ZFHX3: variants seen among roughly 807,000 people sequenced by gnomAD.
The protein encoded by ZFHX3 is zinc finger homeobox 3, also known as zinc finger homeobox protein 3.
In ZFHX3, 42 loss-of-function variants were observed where a neutral mutation model predicts 279.1. The ratio of observed to expected loss-of-function variants is 0.15; its 90% CI spans 0.12 to 0.19. The LOEUF is 0.19. Among genes scored for constraint, ZFHX3 ranks in the 10% least tolerant of loss-of-function variants. ZFHX3 has a pLI of 1.00. For synonymous variants in ZFHX3, 2,293 were observed against 1,957.8 expected (o/e 1.17, Z -4.52); for missense variants, 4,981 against 4,754.0 (o/e 1.05, Z -1.40).
At chr16:73,636,510 T>A (rs1388315394) in intron 2 of ZFHX3, among the ~76,000 whole-genome samples, 2 of 152,038 alleles carry the variant, frequency 1.3e-5, no homozygotes, top group African/African-American at 4.8e-5. Context: ...TGATAAAACA[T>A]CACAAAATGA....
intron 3 of ZFHX3, among the ~76,000 whole-genome samples, chr16:73,380,300 T>C (rs1010029928): frequency 2.0e-5 from 3 of 152,154 alleles, no homozygotes; most frequent in Non-Finnish European, 2.9e-5. Flanking sequence ...CATAGACATC[T>C]CTCAGAATTA....
At chr16:73,255,351 A>G (rs1195993344) in intron 5 of ZFHX3, among the ~76,000 whole-genome samples, 1 of 152,198 alleles carries the variant, frequency 6.6e-6, no homozygotes, top group Non-Finnish European at 1.5e-5. Flanking sequence ...ATCAACCCCA[A>G]ATCAAATAAA....
At chr16:73,620,603 T>G (rs1045976632) in intron 2 of ZFHX3, among the ~76,000 whole-genome samples, 3 of 152,216 alleles carry the variant, frequency 2.0e-5, no homozygotes, top group African/African-American at 7.2e-5. Flanking sequence ...GAGTACAAGT[T>G]TGTCCAATTT....
chr16:72,939,321 C>T (rs1960295324), intron 3 of ZFHX3, among the ~76,000 whole-genome samples: 1 of 152,070 alleles, frequency 6.6e-6, no homozygotes, highest in African/African-American at 2.4e-5. Context: ...CCTGGGCCTG[C>T]GACAATGAGC....
chr16:73,720,334 C>T (rs111999989), intron 1 of ZFHX3, among the ~76,000 whole-genome samples: 2,639 of 152,268 alleles, frequency 0.017, 81 homozygotes, highest in African/African-American at 0.061. Flanking sequence ...TGATCATAAA[C>T]ATCACAAAAA....
intron 1 of ZFHX3, among the ~76,000 whole-genome samples, chr16:73,844,710 T>G (rs992208848): frequency 5.3e-5 from 8 of 151,248 alleles, no homozygotes; most frequent in African/African-American, 1.9e-4. Flanking sequence ...ATCAGATAAG[T>G]TAGGCAGACA....
At chr16:73,436,818 G>T (rs538019385) in intron 3 of ZFHX3, among the ~76,000 whole-genome samples, 55 of 152,238 alleles carry the variant, frequency 3.6e-4, no homozygotes, top group Middle Eastern at 3.4e-3. Flanking sequence ...TTGTCTCTAT[G>T]CTCTGGTAGA....
chr16:73,831,865 G>A (rs928484933), intron 1 of ZFHX3, among the ~76,000 whole-genome samples: 4 of 152,140 alleles, frequency 2.6e-5, no homozygotes, highest in African/African-American at 4.8e-5. Context: ...ATCTGGCCAG[G>A]GCTGGCCCTC....
intron 3 of ZFHX3, among the ~76,000 whole-genome samples, chr16:73,425,985 C>T (rs1002087515): frequency 7.2e-5 from 11 of 152,182 alleles, no homozygotes; most frequent in Non-Finnish European, 1.5e-4. Flanking sequence ...CGGTGATCCT[C>T]TTTTTTTCAC....
chr16:72,957,797 T>C lies in ZFHX3; in HGVS notation c.2349A>G (p.Ala783=), dbSNP rs576025667. The C allele has an allele frequency of 8.4e-5, 135 of 1,608,130 alleles. No individual in the cohort carries two copies. The highest frequency in any genetic ancestry group is 1.1e-4 in the Non-Finnish European group (130 of 1,177,582). The change falls in exon 2 of 10, where the codon GCA becomes GCG. Residue 783 remains alanine (A), a synonymous_variant. Transcript: ENST00000268489. Reference sequence around the variant, plus strand: ...CCCCGCAGGAGCTACTGATATTGGCTGCCGCCGCCGCCGCAGCCACCGCCG... The same window carrying C: ...CCCCGCAGGAGCTACTGATATTGGCCGCCGCCGCCGCCGCAGCCACCGCCG... ...AAAAVAAAAA[A]ANISSSCGAP...
rs527437047 is a variant in ZFHX3 at position 73,457,261 on chromosome 16, G to C, written c.-1546-1003C>G. Reference sequence around the variant, plus strand: ...CTGGTGGACAAAGCGATAATGATGAGAGGCCCCCATGAAAGAGAAAATGCT... The same window carrying C: ...CTGGTGGACAAAGCGATAATGATGACAGGCCCCCATGAAAGAGAAAATGCT... On this transcript the variant is annotated intron_variant, in intron 2 of 17. Coordinates refer to the ZFHX3 transcript ENST00000641206. Among the ~76,000 whole-genome samples, 63 of 152,300 alleles carry C rather than the reference G, an allele frequency of 4.1e-4. No homozygotes were observed. In the South Asian group the frequency reaches 0.012, roughly 30 times the overall value.
At chr16:73,055,051 A>C (rs1597139111) in intron 1 of ZFHX3, among the ~76,000 whole-genome samples, 1 of 152,164 alleles carries the variant, frequency 6.6e-6, no homozygotes, top group East Asian at 1.9e-4. Flanking sequence ...AGAGAAAAAA[A>C]AAAAAGGCAG....
chr16:72,986,611 C>G (rs79769624), intron 1 of ZFHX3, among the ~76,000 whole-genome samples: 1 of 152,174 alleles, frequency 6.6e-6, no homozygotes, highest in Non-Finnish European at 1.5e-5. Context: ...CCACCGTTTT[C>G]CTCGAGACGC....
chr16:73,102,915 A>ATT (rs1273674300), intron 7 of ZFHX3, among the ~76,000 whole-genome samples: 2 of 151,986 alleles, frequency 1.3e-5, no homozygotes, highest in African/African-American at 4.8e-5. Flanking sequence ...GTGTTCCTAC[A>ATT]TTTACATCTT....
chr16:73,093,836 C>A, intron 7 of ZFHX3: 1 of 266,304 alleles, frequency 3.8e-6, no homozygotes, highest in South Asian at 4.1e-5. Context: ...GGAAGCGAGG[C>A]GGGAAAAGAA....
At chr16:73,410,199 T>G (rs892287937) in intron 3 of ZFHX3, among the ~76,000 whole-genome samples, 6 of 152,156 alleles carry the variant, frequency 3.9e-5, no homozygotes, top group Admixed American at 2.6e-4. Flanking sequence ...GTGGATCACC[T>G]GAGGTCAGGA....
rs530141542 is a variant in ZFHX3, at chr16:73,368,062, G to A, written c.-1290-49726C>T. Among the ~76,000 whole-genome samples the A allele has an allele frequency of 7.2e-5, 11 of 152,046 alleles. No individual in the cohort carries two copies. The South Asian group carries it at 2.3e-3, about 32-fold the overall frequency. On this transcript the variant is annotated intron_variant, in intron 3 of 17. Coordinates refer to the ZFHX3 transcript ENST00000641206. The stretch of plus-strand genomic sequence containing the variant: ...ATTTTTTTATTTTCAGTAGAGTCAG[G>A]GTTTCACCACGTTGGCCAGGCTGGT...
chr16:72,795,786 T>C lies in ZFHX3; in HGVS notation c.6896A>G (p.Lys2299Arg). Residue 2299 changes from lysine (K) to arginine (R), a missense_variant, in exon 9 of 10, where the codon AAG (lysine) becomes AGG (arginine). Lys to Arg is a conservative substitution (Grantham distance 26). Around this residue, in one of 7 missense-constraint regions of ZFHX3, gnomAD observed 177 missense variants for 244.2 expected, o/e 0.72. Transcript: ENST00000268489. ...GCCCTCTCCCTGATTCTCATAATTCTTCCTGGCCTTCTGTCGGGCATTCTG... is the reference window on the plus strand; with the variant it reads ...GCCCTCTCCCTGATTCTCATAATTCCTCCTGGCCTTCTGTCGGGCATTCTG... ...WFQNARQKARKNYENQGEGKD... is the reference protein window; with the variant it reads ...WFQNARQKARRNYENQGEGKD... 1 of 1,614,222 alleles carries C rather than the reference T, an allele frequency of 6.2e-7. No individual in the cohort carries two copies. Among genetic ancestry groups the C allele is most frequent in the East Asian group, 2.2e-5 (1 of 44,880 alleles).
chr16:73,852,529 C>T (rs1248926326), intron 1 of ZFHX3, among the ~76,000 whole-genome samples: 2 of 152,048 alleles, frequency 1.3e-5, no homozygotes, highest in Non-Finnish European at 2.9e-5. Flanking sequence ...AAGATGTTAA[C>T]AAAATGTTTG....
Sources: gnomAD v4.1 joint callset for allele counts (sites outside exome capture counted in the v4.1 genomes callset) on GRCh38, gnomAD v4.1.1 for gene constraint, gnomAD v4.1.1 regional missense constraint, MANE v1.5 for transcripts, NCBI Gene and HGNC (gene_info 2026-07-23, HGNC 2026-07-21) for gene names.